CFAP68: variants seen among roughly 807,000 people sequenced by gnomAD.
CFAP68 encodes cilia and flagella associated protein 68.
the CFAP68 span, chr11:111,881,742 G>A: frequency 8.8e-7 from 1 of 1,140,772 alleles, no homozygotes; most frequent in Non-Finnish European, 1.2e-6. Flanking sequence ...AGATTGATTG[G>A]GAGAACAGGC....
the CFAP68 span, chr11:111,883,665 G>A: frequency 1.3e-6 from 1 of 766,914 alleles, no homozygotes; most frequent in East Asian, 2.5e-5. Context: ...AATTTTAACA[G>A]GACTTACTGT....
chr11:111,882,033 T>G, the CFAP68 span, among the ~76,000 whole-genome samples: 1 of 152,200 alleles, frequency 6.6e-6, no homozygotes, highest in Non-Finnish European at 1.5e-5. Context: ...TAGCAGTGCT[T>G]TTAGTCCCTC....
At chr11:111,882,499 T>G in the CFAP68 span, 1 of 1,614,116 alleles carries the variant, frequency 6.2e-7, no homozygotes, top group Non-Finnish European at 8.5e-7. Context: ...GATGCACCAC[T>G]AATGAGAATA....
At chr11:111,879,674 T>C in the CFAP68 span, 2 of 1,524,740 alleles carry the variant, frequency 1.3e-6, no homozygotes, top group African/African-American at 1.4e-5. Flanking sequence ...GCCAGGCCAC[T>C]GTGAGGGTGG....
the CFAP68 span, among the ~76,000 whole-genome samples, chr11:111,879,832 G>A: frequency 1.3e-5 from 2 of 152,174 alleles, no homozygotes; most frequent in African/African-American, 2.4e-5. Context: ...GTTTGGGGGC[G>A]AAGAGGGTCA....
chr11:111,882,748 GCTGAACCAC>G, the CFAP68 span: 1 of 719,858 alleles, frequency 1.4e-6, no homozygotes, highest in African/African-American at 1.8e-5. Context: ...ACAGTCCGCA[GCTGAACCAC>G]CTATGCTACT....
At chr11:111,882,660 G>C in the CFAP68 span, 1 of 1,392,334 alleles carries the variant, frequency 7.2e-7, no homozygotes, top group Non-Finnish European at 9.7e-7. Context: ...AAATGTAGTG[G>C]CCATTTGAAA....
At chr11:111,880,301 G>A in the CFAP68 span, among the ~76,000 whole-genome samples, 1 of 152,148 alleles carries the variant, frequency 6.6e-6, no homozygotes, top group Non-Finnish European at 1.5e-5. Context: ...AATGTCAGAG[G>A]TATTTATACC....
chr11:111,879,543 T>G, the CFAP68 span: 1 of 1,609,976 alleles, frequency 6.2e-7, no homozygotes, highest in South Asian at 1.1e-5. Context: ...TTTTGAACCT[T>G]TTTTCACCTC....
the CFAP68 span, chr11:111,883,716 C>T: frequency 8.2e-7 from 1 of 1,225,300 alleles, no homozygotes. Flanking sequence ...TACTAAAACT[C>T]CTTAGTGTTG....
At chr11:111,882,522 G>A in the CFAP68 span, 12,996 of 1,613,868 alleles carry the variant, frequency 8.1e-3, 70 homozygotes, top group Middle Eastern at 0.024. Flanking sequence ...TATTCAAACC[G>A]TACCCTGATG....
the CFAP68 span, chr11:111,884,026 T>G: frequency 1.7e-6 from 1 of 575,268 alleles, no homozygotes; most frequent in Non-Finnish European, 3.0e-6. Context: ...TTTAGCTCAC[T>G]GTAACACAGT....
At chr11:111,881,219 A>G in the CFAP68 span, 1 of 1,344,478 alleles carries the variant, frequency 7.4e-7, no homozygotes, top group Non-Finnish European at 9.5e-7. Flanking sequence ...AGCCCTAGAG[A>G]CAGTTACACC....
chr11:111,883,427 T>TA, the CFAP68 span, among the ~76,000 whole-genome samples: 1,024 of 151,424 alleles, frequency 6.8e-3, 6 homozygotes, highest in Middle Eastern at 0.052. Flanking sequence ...CCATCTCTAC[T>TA]AAAAAAAATA....
At chr11:111,885,473 CAG>C in the CFAP68 span, 2 of 152,186 alleles carry the variant, frequency 1.3e-5, no homozygotes, top group Non-Finnish European at 2.9e-5. Flanking sequence ...CAACTTGACA[CAG>C]AGTCTTGGTA....
the CFAP68 span, chr11:111,881,057 T>G: frequency 2.5e-6 from 1 of 403,214 alleles, no homozygotes; most frequent in Non-Finnish European, 4.0e-6. Flanking sequence ...TGATTTGAAT[T>G]GAAATTTGGC....
chr11:111,883,832 C>A, the CFAP68 span: 1 of 1,613,616 alleles, frequency 6.2e-7, no homozygotes, highest in South Asian at 1.1e-5. Context: ...CTCCCCGATA[C>A]AAATGCACAG....
chr11:111,883,224 A>G, the CFAP68 span: 1 of 1,540,332 alleles, frequency 6.5e-7, no homozygotes, highest in Non-Finnish European at 8.8e-7. Context: ...GTTTTTTCAA[A>G]TTCTTACATT....
At chr11:111,883,314 G>A in the CFAP68 span, 1 of 935,426 alleles carries the variant, frequency 1.1e-6, no homozygotes, top group South Asian at 1.6e-5. Context: ...GTGAGGCTGG[G>A]CGCAGTGGCT....
Sources: allele counts gnomAD v4.1 joint callset (sites outside exome capture counted in the v4.1 genomes callset), GRCh38; gene constraint gnomAD v4.1.1; transcripts MANE v1.5; gene names NCBI Gene and HGNC (gene_info 2026-07-23, HGNC 2026-07-21).